NRG1: variants seen among roughly 807,000 people sequenced by gnomAD.
The protein encoded by NRG1 is pro-neuregulin-1, membrane-bound isoform.
Under a neutral mutation model 63.8 loss-of-function variants are expected in NRG1, and 18 were observed. The ratio of observed to expected loss-of-function variants is 0.28; its 90% CI spans 0.19 to 0.42. The LOEUF is 0.42. NRG1 is among the 10% of genes least tolerant of loss of function. The pLI, the probability that NRG1 is intolerant of heterozygous loss-of-function variation, is 1.00. For missense variants in NRG1, 762 were observed against 814.7 expected, an observed-to-expected ratio of 0.94 and a Z score of 0.79; for synonymous variants, 302 against 301.3, an observed-to-expected ratio of 1.00 and a Z score of -0.02.
At chr8:32,663,039 A>G (rs943370219) in intron 5 of NRG1, among the ~76,000 whole-genome samples, 1 of 152,220 alleles carries the variant, frequency 6.6e-6, no homozygotes, top group Non-Finnish European at 1.5e-5. Flanking sequence ...ACTCGGTAAC[A>G]CTATCCAGAA....
At chr8:31,743,323 A>G (rs189989033) in intron 1 of NRG1, among the ~76,000 whole-genome samples, 2 of 152,136 alleles carry the variant, frequency 1.3e-5, no homozygotes, top group East Asian at 1.9e-4. Context: ...AGGCTAGTGC[A>G]TAGCCCCATG....
At chr8:31,895,533 T>C (rs1350734443) in intron 1 of NRG1, among the ~76,000 whole-genome samples, 1 of 152,238 alleles carries the variant, frequency 6.6e-6, no homozygotes, top group African/African-American at 2.4e-5. Context: ...CTTTCTCTTA[T>C]CTGTGTCTAG....
chr8:32,505,752 G>A (rs982968441), intron 1 of NRG1, among the ~76,000 whole-genome samples: 3 of 152,210 alleles, frequency 2.0e-5, no homozygotes, highest in Non-Finnish European at 4.4e-5. Context: ...GAGGCAATAC[G>A]GAGATGGGAC....
intron 1 of NRG1, among the ~76,000 whole-genome samples, chr8:31,700,055 C>T (rs1460384651): frequency 2.0e-5 from 3 of 152,112 alleles, no homozygotes; most frequent in Non-Finnish European, 2.9e-5. Context: ...AAGATAAAAC[C>T]TCCTTGGCCC....
At chr8:31,723,046 G>T (rs540637635) in intron 1 of NRG1, among the ~76,000 whole-genome samples, 2 of 152,248 alleles carry the variant, frequency 1.3e-5, no homozygotes, top group African/African-American at 4.8e-5. Context: ...GATGAACTTA[G>T]AGATTATACA....
At chr8:32,065,607 C>T (rs1217345851) in intron 1 of NRG1, among the ~76,000 whole-genome samples, 2 of 152,270 alleles carry the variant, frequency 1.3e-5, no homozygotes, top group East Asian at 1.9e-4. Context: ...TGGCTTGGTT[C>T]CAAGTCTTTG....
chr8:32,390,402 G>A (rs1463334964), intron 1 of NRG1, among the ~76,000 whole-genome samples: 1 of 151,960 alleles, frequency 6.6e-6, no homozygotes, highest in Non-Finnish European at 1.5e-5. Context: ...GCAACATAGT[G>A]AGACTCCATC....
At chr8:32,322,790 A>G (rs1737732213) in intron 1 of NRG1, among the ~76,000 whole-genome samples, 1 of 151,952 alleles carries the variant, frequency 6.6e-6, no homozygotes, top group Non-Finnish European at 1.5e-5. Context: ...CTGAAGCCCC[A>G]TGATATATTT....
intron 1 of NRG1, among the ~76,000 whole-genome samples, chr8:31,812,124 G>A (rs1229211016): frequency 6.6e-6 from 1 of 152,146 alleles, no homozygotes; most frequent in Non-Finnish European, 1.5e-5. Flanking sequence ...AACCTTGGTA[G>A]GTTGTAGGAT....
At chr8:32,749,478 T>A in intron 7 of NRG1, 1 of 1,321,826 alleles carries the variant, frequency 7.6e-7, no homozygotes, top group East Asian at 2.3e-5. Context: ...TCATGTGTAA[T>A]GTGTTTTGGA....
At chr8:31,984,141 A>G (rs1306643963) in intron 1 of NRG1, among the ~76,000 whole-genome samples, 1 of 152,052 alleles carries the variant, frequency 6.6e-6, no homozygotes, top group Non-Finnish European at 1.5e-5. Flanking sequence ...AAAATAATAA[A>G]CTTTTCTTTC....
At position 31,640,206 on chromosome 8, in the gene NRG1, G is replaced by A. The variant is rs765473302; in HGVS notation, c.37+775G>A. The A allele has an allele frequency of 3.0e-5, 35 of 1,169,468 alleles. 1 individual carries two copies. In the South Asian group the frequency reaches 7.7e-4, roughly 26 times the overall value. 72.4% of individuals were successfully genotyped at this position (1,169,468 alleles called of 1,614,324 possible). A position where few individuals can be genotyped will look rare whatever the true frequency, so the allele number is the denominator to read the frequency against. On this transcript the variant is annotated intron_variant, in intron 1 of 10. Transcript: ENST00000519301. The surrounding 1 kb of genome is among the most constrained non-coding windows in gnomAD (Gnocchi z 6.3). Reference sequence around the variant, plus strand: ...CGCCCAGCGTGGGATCGGTGCAGGAGCTAGCTCAGCGCGCCGCGGTGGTGA... The same window carrying A: ...CGCCCAGCGTGGGATCGGTGCAGGAACTAGCTCAGCGCGCCGCGGTGGTGA...
At chr8:32,163,621 T>C (rs1839085475) in intron 1 of NRG1, among the ~76,000 whole-genome samples, 1 of 152,152 alleles carries the variant, frequency 6.6e-6, no homozygotes, top group Admixed American at 6.5e-5. Context: ...GTTTCAGAAA[T>C]GTTATCTTAT....
At chr8:32,030,897 A>G (rs975635981) in intron 1 of NRG1, among the ~76,000 whole-genome samples, 1 of 152,206 alleles carries the variant, frequency 6.6e-6, no homozygotes, top group African/African-American at 2.4e-5. Flanking sequence ...GCAAGCCCCC[A>G]AGACATAAAT....
intron 5 of NRG1, chr8:32,647,685 A>G: frequency 6.6e-7 from 1 of 1,519,364 alleles, no homozygotes; most frequent in Non-Finnish European, 8.8e-7. Context: ...ATGGACCGTG[A>G]GAGCGGCCAG....
At chr8:31,749,753 A>C (rs1365474351) in intron 1 of NRG1, among the ~76,000 whole-genome samples, 1 of 151,346 alleles carries the variant, frequency 6.6e-6, no homozygotes, top group Non-Finnish European at 1.5e-5. Flanking sequence ...ATATATATAT[A>C]TATCTTCATA....
At chr8:32,106,650 A>G (rs186993814) in intron 1 of NRG1, among the ~76,000 whole-genome samples, 1 of 152,326 alleles carries the variant, frequency 6.6e-6, no homozygotes, top group African/African-American at 2.4e-5. Flanking sequence ...GACTATTTTA[A>G]TAAAATATTC....
At chr8:31,771,157 C>G (rs1326674185) in intron 1 of NRG1, among the ~76,000 whole-genome samples, 1 of 152,144 alleles carries the variant, frequency 6.6e-6, no homozygotes, top group African/African-American at 2.4e-5. Context: ...TAATCTTGTC[C>G]TTTCCCCAAC....
At chr8:32,728,297 TTTTTTG>T (rs1268337330) in intron 6 of NRG1, 35 of 983,730 alleles carry the variant, frequency 3.6e-5, no homozygotes, top group South Asian at 4.7e-5. Context: ...GTGTGAGGTG[TTTTTTG>T]TTTTTGTTTT....
Sources: gnomAD v4.1 joint callset for allele counts (sites outside exome capture counted in the v4.1 genomes callset) on GRCh38, gnomAD v4.1.1 for gene constraint, Gnocchi (gnomAD v3.1) non-coding constraint, MANE v1.5 for transcripts, NCBI Gene and HGNC (gene_info 2026-07-23, HGNC 2026-07-21) for gene names.